SOD2: variants seen among roughly 807,000 people sequenced by gnomAD.
SOD2 encodes the protein superoxide dismutase 2.
Under a neutral mutation model 27.0 loss-of-function variants are expected in SOD2, and 11 were observed. That is an observed-to-expected ratio of 0.41 (90% confidence interval 0.26 to 0.67). The LOEUF (loss-of-function observed/expected upper bound fraction) is 0.67. Among genes scored for constraint, SOD2 ranks in the 30% least tolerant of loss-of-function variants. SOD2 has a pLI of 0.34. For synonymous variants in SOD2, 105 were observed against 103.0 expected, an observed-to-expected ratio of 1.02 and a Z score of -0.12; for missense variants, 250 against 274.5, an observed-to-expected ratio of 0.91 and a Z score of 0.63.
chr6:159,672,475 T>C lies in SOD2; in HGVS notation c.*10018A>G, dbSNP rs1476007240. ...AGAAAAGAATTTTCAACCCAGAATT[T>C]CATATCCAGCCAAACTAAGCTTCAT... On this transcript the variant is annotated 3_prime_UTR_variant, in exon 5 of 5. Transcript: ENST00000538183. The C allele has an allele frequency of 6.6e-6, 1 of 152,188 alleles. No individual in the cohort carries two copies. The highest frequency in any genetic ancestry group is 2.4e-5 in the African/African-American group (1 of 41,444). The allele number at this position is 152,188 out of a possible 1,614,324, so 9.4% of individuals were successfully genotyped here.
intron 1 of SOD2, among the ~76,000 whole-genome samples, chr6:159,750,371 A>G (rs1490559671): frequency 6.6e-6 from 1 of 152,180 alleles, no homozygotes; most frequent in Non-Finnish European, 1.5e-5. Flanking sequence ...TGTCATTGTT[A>G]AAATTTTCTC....
At chr6:159,715,408 T>G (rs921712400) in intron 1 of SOD2, among the ~76,000 whole-genome samples, 1 of 152,170 alleles carries the variant, frequency 6.6e-6, no homozygotes, top group African/African-American at 2.4e-5. Context: ...GATTTACAGT[T>G]TGTCAACAGT....
chr6:159,682,551 A>G lies in SOD2; in HGVS notation c.611T>C (p.Ile204Thr). The part of the protein sequence containing the change: ...KNVRPDYLKA[I>T]WNVINWENVT... ...ATTCTCCCAGTTGATTACATTCCAA[A>G]TAGCTTTTAGATAATCAGGCCTGAC... The change falls in exon 5 of 5, where the codon ATT becomes ACT. Residue 204 changes from isoleucine to threonine, a missense_variant. Ile to Thr is a moderately conservative substitution (Grantham distance 89). Coordinates refer to ENST00000538183, the MANE Select transcript of SOD2 (RefSeq NM_000636.4). 6.2e-7 allele frequency: 1 copy of G among 1,614,068 alleles called. No individual in the cohort carries two copies. Among genetic ancestry groups the G allele is most frequent in the Non-Finnish European group, 8.5e-7 (1 of 1,179,988 alleles).
chr6:159,739,996 G>A (rs563625503), intron 1 of SOD2, among the ~76,000 whole-genome samples: 4 of 150,810 alleles, frequency 2.7e-5, no homozygotes, highest in South Asian at 2.1e-4. Flanking sequence ...TCAATGCTGG[G>A]TTTTTTTTTG....
upstream of SOD2, chr6:159,727,493 G>A: frequency 4.0e-6 from 4 of 993,742 alleles, no homozygotes; most frequent in Non-Finnish European, 4.8e-6. Flanking sequence ...GCCGGGCGGC[G>A]GGGCCTGGTT....
chr6:159,727,850 C>A, upstream of SOD2: 1 of 518,248 alleles, frequency 1.9e-6, no homozygotes, highest in Non-Finnish European at 2.5e-6. Flanking sequence ...GTGAGCCGCT[C>A]TACCTTCCCG....
rs1157732337 is a variant in SOD2, at chr6:159,688,230, G to C, written c.239C>G (p.Ala80Gly). Residue 80 changes from alanine (A) to glycine (G), a missense_variant, in exon 3 of 5, where the codon GCC becomes GGC. Ala to Gly is a moderately conservative substitution (Grantham distance 60, BLOSUM62 0). Transcript: ENST00000538183. ...CAGTGCAGGCTGAAGAGCTATCTGG[G>C]CTGTAACATCTCCTGAAAAGTTAAA... Reference protein sequence around the residue: ...QEALAKGDVTAQIALQPALKF... With the variant: ...QEALAKGDVTGQIALQPALKF... 1 of 1,604,938 alleles carries C rather than the reference G, an allele frequency of 6.2e-7. No homozygotes were observed. Among genetic ancestry groups the C allele is most frequent in the Non-Finnish European group, 8.5e-7 (1 of 1,171,864 alleles).
In SOD2 at chr6:159,682,449, AAC is replaced by A; in HGVS notation, c.*42_*43del. ...CTGCAGTACTCTATACCACTACAAA[AAC>A]AGTCATAAAGAGCTTAACATACTCA... On this transcript the variant is annotated 3_prime_UTR_variant, in exon 5 of 5. Transcript: ENST00000538183. 1 of 1,585,232 alleles carries A rather than the reference AAC, an allele frequency of 6.3e-7. No individual in the cohort carries two copies. The highest frequency in any genetic ancestry group is 8.6e-7 in the Non-Finnish European group (1 of 1,164,356).
At chr6:159,740,002 TTTTG>T (rs929420800) in intron 1 of SOD2, among the ~76,000 whole-genome samples, 11 of 152,060 alleles carry the variant, frequency 7.2e-5, no homozygotes, top group Non-Finnish European at 2.9e-5. Context: ...CTGGGTTTTT[TTTTG>T]TTTGTTTTAA....
At chr6:159,696,759 G>A (rs899158348), upstream of SOD2, among the ~76,000 whole-genome samples, 47 of 152,076 alleles carry the variant, frequency 3.1e-4, no homozygotes, top group African/African-American at 8.9e-4. Context: ...GTCAGGTATG[G>A]GGCCAGGTGC....
chr6:159,702,410 C>T (rs1777537839), intron 1 of SOD2, among the ~76,000 whole-genome samples: 1 of 151,444 alleles, frequency 6.6e-6, no homozygotes. Flanking sequence ...GATTCTTGTG[C>T]CTCAGCCTCC....
intron 1 of SOD2, among the ~76,000 whole-genome samples, chr6:159,718,280 A>T (rs1027042125): frequency 6.6e-6 from 1 of 152,128 alleles, no homozygotes; most frequent in African/African-American, 2.4e-5. Context: ...TTACAGGTAT[A>T]AGCCACCATG....
At chr6:159,742,266 G>A in intron 1 of SOD2, 3 of 769,790 alleles carry the variant, frequency 3.9e-6, no homozygotes, top group Non-Finnish European at 6.2e-6. Flanking sequence ...TATAAGAACT[G>A]TACATAGGCA....
At chr6:159,755,248 A>G in intron 1 of SOD2, 2 of 1,614,184 alleles carry the variant, frequency 1.2e-6, no homozygotes, top group African/African-American at 2.7e-5. Context: ...TGACAAACGG[A>G]CCAAGTAATG....
intron 1 of SOD2, chr6:159,713,295 G>A (rs1371644971): frequency 1.5e-6 from 1 of 665,228 alleles, no homozygotes; most frequent in South Asian, 1.9e-5. Context: ...CCACCATAGG[G>A]ACCCTGCCTC....
intron 1 of SOD2, chr6:159,756,378 T>C (rs899358030): frequency 2.6e-5 from 4 of 152,556 alleles, no homozygotes; most frequent in East Asian, 1.9e-4. Flanking sequence ...CATTGAGTCA[T>C]TGAATTTCTA....
chr6:159,758,978 AT>A (rs1332978106), intron 1 of SOD2, among the ~76,000 whole-genome samples: 1 of 151,848 alleles, frequency 6.6e-6, no homozygotes, highest in African/African-American at 2.4e-5. Context: ...GCACTTGGAG[AT>A]TTTTGTGGCT....
At chr6:159,746,910 C>G (rs1779610489), upstream of SOD2, among the ~76,000 whole-genome samples, 1 of 152,148 alleles carries the variant, frequency 6.6e-6, no homozygotes, top group African/African-American at 2.4e-5. Flanking sequence ...GTAACTGAGT[C>G]TCAGTCAGTG....
chr6:159,739,672 AAAAAT>A (rs1779124746), intron 1 of SOD2, among the ~76,000 whole-genome samples: 1 of 152,194 alleles, frequency 6.6e-6, no homozygotes, highest in South Asian at 2.1e-4. Flanking sequence ...TAACTTAGAT[AAAAAT>A]AAAATAAGTA....
Sources: gnomAD v4.1 joint callset for allele counts (sites outside exome capture counted in the v4.1 genomes callset) on GRCh38, gnomAD v4.1.1 for gene constraint, MANE v1.5 for transcripts, NCBI Gene and HGNC (gene_info 2026-07-23, HGNC 2026-07-21) for gene names.